Variants in DOP1A observed in about 807,000 individuals in gnomAD.
DOP1A encodes protein DOP1A.
DOP1A carries 90 observed loss-of-function variants against 267.6 expected under a neutral mutation model. That is an observed-to-expected ratio of 0.34 (90% CI 0.28 to 0.40). The LOEUF (loss-of-function observed/expected upper bound fraction) is 0.40, where lower values mean the gene tolerates loss of function less well. Among genes scored for constraint, DOP1A ranks in the 10% least tolerant of loss-of-function variants. The pLI is 1.00. For synonymous variants in DOP1A, 932 were observed against 999.1 expected, an observed-to-expected ratio of 0.93 and a Z score of 1.27; for missense variants, 2,437 against 2,900.4, an observed-to-expected ratio of 0.84 and a Z score of 3.67.
At chr6:83,084,661 C>A (rs1768749770) in intron 1 of DOP1A, among the ~76,000 whole-genome samples, 1 of 152,074 alleles carries the variant, frequency 6.6e-6, no homozygotes, top group Non-Finnish European at 1.5e-5. Flanking sequence ...TGGCTCACTG[C>A]AGCCTCTACC....
intron 6 of DOP1A, among the ~76,000 whole-genome samples, chr6:83,112,214 A>G (rs1159724173): frequency 6.6e-6 from 1 of 152,154 alleles, no homozygotes; most frequent in Admixed American, 6.5e-5. Context: ...CTATAGATAA[A>G]TAAAAACAAG....
rs746293399 is a variant in DOP1A at position 83,088,419 on chromosome 6, C to CTT, written c.-146-8291_-146-8290dup. Among the ~76,000 whole-genome samples, 766 of 115,474 alleles carry CTT rather than the reference C, an allele frequency of 6.6e-3. 11 individuals are homozygous for CTT. The highest frequency in any genetic ancestry group is 0.015 in the African/African-American group (433 of 28,644). The allele number at this position is 115,474 out of a possible 152,430, so 75.8% of individuals were successfully genotyped here. On this transcript the variant is annotated intron_variant, in intron 1 of 38. Transcript: ENST00000349129. ...ATACCTAGTAAGTGTTGTCTTCCAT[C>CTT]TTTTTTTTTTTTTTTTTTTTTTGAG...
At chr6:83,170,813 T>TA (rs1786934681), downstream of DOP1A, 1 of 180,804 alleles carries the variant, frequency 5.5e-6, no homozygotes, top group Admixed American at 5.8e-5. Flanking sequence ...AAGAATTTCT[T>TA]AAATATGCCA....
At chr6:83,125,345 A>C in intron 14 of DOP1A, 150 bp downstream of exon 14, 2 of 1,048,192 alleles carry the variant, frequency 1.9e-6, no homozygotes, top group South Asian at 1.8e-5. Flanking sequence ...AAATTTTATA[A>C]GGCATCAGTA....
chr6:83,131,907 G>T (rs1778105366), intron 17 of DOP1A, among the ~76,000 whole-genome samples: 1 of 152,158 alleles, frequency 6.6e-6, no homozygotes, highest in South Asian at 2.1e-4. Flanking sequence ...AAGATGCTGG[G>T]ATTACAGCCA....
intron 38 of DOP1A, chr6:83,167,579 T>G: frequency 9.0e-7 from 1 of 1,106,114 alleles, no homozygotes; most frequent in Non-Finnish European, 1.1e-6. Context: ...AAAACTTTTA[T>G]GTTTGACTCT....
At chr6:83,147,752 A>G (rs111247605) in intron 26 of DOP1A, among the ~76,000 whole-genome samples, 9 of 152,288 alleles carry the variant, frequency 5.9e-5, no homozygotes, top group African/African-American at 1.9e-4. Flanking sequence ...CTCAGCCTCC[A>G]TTTGTAATCT....
chr6:83,164,206 TGAA>T (rs1036062560), intron 38 of DOP1A, among the ~76,000 whole-genome samples: 3 of 150,728 alleles, frequency 2.0e-5, no homozygotes, highest in African/African-American at 7.3e-5. Context: ...AAAAATGGAA[TGAA>T]GAAAGTGATT....
chr6:83,168,228 G>A lies in DOP1A; in HGVS notation c.*61G>A. 3 of 1,521,148 alleles carry A rather than the reference G, an allele frequency of 2.0e-6. No homozygotes were observed. The highest frequency in any genetic ancestry group is 2.6e-6 in the Non-Finnish European group (3 of 1,142,616). 94.2% of individuals were successfully genotyped at this position (1,521,148 alleles called of 1,614,324 possible). On this transcript the variant is annotated 3_prime_UTR_variant, in exon 39 of 39. Transcript: ENST00000349129. ...TGTAATTATTTAAAACACACACACT[G>A]CTCTGCGTTGTATAGTTTTTCCTTT...
intron 1 of DOP1A, among the ~76,000 whole-genome samples, chr6:83,068,700 T>C (rs1017377482): frequency 6.6e-6 from 1 of 152,244 alleles, no homozygotes; most frequent in Admixed American, 6.5e-5. Flanking sequence ...TTTAATTTTG[T>C]TTGTGGGTAT....
Position 83,137,218 on chromosome 6 carries a change from C to G in DOP1A, c.3176C>G (p.Pro1059Arg), listed in dbSNP as rs774270487. Residue 1059 changes from proline to arginine, a missense_variant, in exon 21 of 39, where the codon CCA becomes CGA. Pro to Arg is a moderately radical substitution (Grantham distance 103, BLOSUM62 -2). Coordinates refer to ENST00000349129, the MANE Select transcript of DOP1A (RefSeq NM_015018.4). The part of the protein sequence containing the change: ...LITSKGNGEK[P>R]LTMDEIENFS... ...ACATCAAAAGGAAATGGTGAAAAGC[C>G]ACTTACCATGGATGAAATAGAGAAC... The G allele has an allele frequency of 6.3e-7, 1 of 1,592,050 alleles. No homozygotes were observed. Among genetic ancestry groups the G allele is most frequent in the Non-Finnish European group, 8.6e-7 (1 of 1,167,744 alleles).
In DOP1A at chr6:83,125,151, T is replaced by C. The variant is rs1239148331; in HGVS notation, c.1456-15T>C. The C allele has an allele frequency of 2.5e-6, 4 of 1,579,434 alleles. No homozygotes were observed. Among genetic ancestry groups the C allele is most frequent in the East Asian group, 2.3e-5 (1 of 44,064 alleles). On this transcript the variant is annotated splice_polypyrimidine_tract_variant and intron_variant, in intron 13 of 38. Transcript: ENST00000349129. Reference sequence around the variant, plus strand: ...CTGTTTTCTCTCCTCACTTCTTTGCTTTCTCATTTTGAAGCCTACTAGAAG... The same window carrying C: ...CTGTTTTCTCTCCTCACTTCTTTGCCTTCTCATTTTGAAGCCTACTAGAAG...
At chr6:83,169,666 ATCATGGATAT>A (rs755290603), downstream of DOP1A, 2 of 466,506 alleles carry the variant, frequency 4.3e-6, no homozygotes, top group South Asian at 3.1e-5. Flanking sequence ...CTCCTCATCC[ATCATGGATAT>A]TCATTAGACT....
At chr6:83,161,490 A>G (rs1365190946) in intron 37 of DOP1A, among the ~76,000 whole-genome samples, 4 of 152,182 alleles carry the variant, frequency 2.6e-5, no homozygotes, top group Non-Finnish European at 5.9e-5. Flanking sequence ...TTGGTAAAAG[A>G]TATTTTCGAT....
rs752779583 is a variant in DOP1A, at chr6:83,129,242, A to G, written c.2075A>G (p.Tyr692Cys). The change falls in exon 16 of 39, where the codon TAC (tyrosine) becomes TGC (cysteine). Residue 692 changes from tyrosine to cysteine, a missense_variant. Coordinates refer to ENST00000349129, the MANE Select transcript of DOP1A (RefSeq NM_015018.4). ...TTTCTTACCAGACTTATCAACCTCTACATCATTCAGAATAACTCTTTTTCT... is the reference window on the plus strand; with the variant it reads ...TTTCTTACCAGACTTATCAACCTCTGCATCATTCAGAATAACTCTTTTTCT... The part of the protein sequence containing the change: ...QQFLTRLINL[Y>C]IIQNNSFSQS... The G allele has an allele frequency of 2.5e-6, 4 of 1,613,548 alleles. No individual in the cohort carries two copies. The highest frequency in any genetic ancestry group is 3.4e-6 in the Non-Finnish European group (4 of 1,179,788).
intron 20 of DOP1A, among the ~76,000 whole-genome samples, chr6:83,136,451 A>G (rs1778873109): frequency 1.3e-5 from 2 of 152,144 alleles, no homozygotes; most frequent in Non-Finnish European, 2.9e-5. Flanking sequence ...TTAAGGGACA[A>G]AGACTCTCAC....
intron 1 of DOP1A, among the ~76,000 whole-genome samples, chr6:83,085,024 G>A (rs1267529593): frequency 6.6e-6 from 1 of 152,122 alleles, no homozygotes; most frequent in African/African-American, 2.4e-5. Context: ...TTTTATAAAT[G>A]TTCTTAGGCA....
intron 25 of DOP1A, 131 bp from the exon 26 acceptor site, chr6:83,147,105 G>T: frequency 2.4e-6 from 1 of 413,218 alleles, no homozygotes; most frequent in Non-Finnish European, 4.4e-6. Context: ...GCTCATTAAT[G>T]AAAAATTGAT....
intron 24 of DOP1A, among the ~76,000 whole-genome samples, chr6:83,145,118 A>G (rs1449228137): frequency 9.1e-6 from 1 of 109,702 alleles, no homozygotes; most frequent in African/African-American, 3.6e-5. Context: ...ATATATACAT[A>G]TATTGTATAT....
Sources: gnomAD v4.1 joint callset for allele counts (sites outside exome capture counted in the v4.1 genomes callset) on GRCh38, gnomAD v4.1.1 for gene constraint, MANE v1.5 for transcripts, NCBI Gene and HGNC (gene_info 2026-07-23, HGNC 2026-07-21) for gene names.